The following PRKN variants were observed in gnomAD, a reference collection of about 807,000 sequenced individuals.
PRKN encodes the protein parkin RBR E3 ubiquitin protein ligase, also known as E3 ubiquitin-protein ligase parkin.
PRKN carries 56 observed loss-of-function variants against 59.5 expected under a neutral mutation model. That is an observed-to-expected ratio of 0.94 (90% CI 0.76 to 1.18). PRKN has a LOEUF of 1.18. Ranked by LOEUF, PRKN falls within the 50% of genes most tolerant of loss-of-function variation. The probability of loss-of-function intolerance (pLI) is 0.00; values close to 1 mark genes in which losing one functional copy is unlikely to be tolerated. For missense variants in PRKN, 657 were observed against 596.4 expected (o/e 1.10, Z -1.06); for synonymous variants, 250 against 222.1 (o/e 1.13, Z -1.12).
intron 1 of PRKN, among the ~76,000 whole-genome samples, chr6:162,587,847 TATC>T (rs1781126282): frequency 6.6e-6 from 1 of 152,118 alleles, no homozygotes; most frequent in African/African-American, 2.4e-5. Context: ...TCATTTGAAT[TATC>T]ATGCAGAATA....
chr6:161,776,946 C>A (rs1357225327), intron 7 of PRKN, among the ~76,000 whole-genome samples: 1 of 152,140 alleles, frequency 6.6e-6, no homozygotes, highest in Non-Finnish European at 1.5e-5. Flanking sequence ...TAGAAATGTT[C>A]TTTTCTTGAC....
intron 2 of PRKN, among the ~76,000 whole-genome samples, chr6:162,359,079 A>AAAAAAAAAAATATATATATAT (rs57265104): frequency 2.6e-4 from 22 of 83,232 alleles, no homozygotes; most frequent in African/African-American, 1.5e-3. Flanking sequence ...AAAAAAAAAA[A>AAAAAAAAAAATATATATATAT]ATATATATAT....
chr6:162,438,683 G>A (rs944062871), intron 2 of PRKN, among the ~76,000 whole-genome samples: 1 of 152,180 alleles, frequency 6.6e-6, no homozygotes, highest in Non-Finnish European at 1.5e-5. Flanking sequence ...TATAGGGAAG[G>A]TGTGATATTT....
chr6:162,158,526 G>A (rs1782623905), intron 4 of PRKN, among the ~76,000 whole-genome samples: 1 of 151,678 alleles, frequency 6.6e-6, no homozygotes, highest in African/African-American at 2.4e-5. Flanking sequence ...CCGCCTCCCG[G>A]GTTTAAGCAA....
intron 4 of PRKN, among the ~76,000 whole-genome samples, chr6:162,091,404 C>A (rs1227683071): frequency 6.6e-6 from 1 of 152,132 alleles, no homozygotes; most frequent in Non-Finnish European, 1.5e-5. Context: ...AACACTTAAG[C>A]TGAGATTTAC....
In PRKN at chr6:161,467,349, A is replaced by AAC. The variant is rs1405657154; in HGVS notation, c.1084-80474_1084-80473dup. On this transcript the variant is annotated intron_variant, in intron 9 of 11. Coordinates refer to ENST00000366898, the MANE Select transcript of PRKN (RefSeq NM_004562.3). The surrounding 1 kb of genome is among the most constrained non-coding windows in gnomAD (Gnocchi z 4.3). ...ATTTGATATAGACACATATAATACGAACACGATTCTAGCCCTATGGAGTAT... is the reference window on the plus strand; with the variant it reads ...ATTTGATATAGACACATATAATACGAACACACGATTCTAGCCCTATGGAGTAT... Among the ~76,000 whole-genome samples the AAC allele has an allele frequency of 3.3e-5, 5 of 152,198 alleles. No individual in the cohort carries two copies. Among genetic ancestry groups the AAC allele is most frequent in the African/African-American group, 1.2e-4 (5 of 41,436 alleles).
At chr6:161,974,252 C>A (rs1298191708) in intron 5 of PRKN, among the ~76,000 whole-genome samples, 1 of 152,174 alleles carries the variant, frequency 6.6e-6, no homozygotes, top group Non-Finnish European at 1.5e-5. Flanking sequence ...TAAATTCCAG[C>A]CGAGAGTTTA....
At chr6:161,881,756 G>A (rs992752521) in intron 6 of PRKN, among the ~76,000 whole-genome samples, 1 of 152,150 alleles carries the variant, frequency 6.6e-6, no homozygotes, top group Admixed American at 6.5e-5. Flanking sequence ...TGATTGTCCC[G>A]CTTTACAAAA....
At chr6:161,427,443 G>A (rs917996862) in intron 9 of PRKN, among the ~76,000 whole-genome samples, 8 of 152,254 alleles carry the variant, frequency 5.3e-5, no homozygotes, top group Middle Eastern at 3.4e-3. Flanking sequence ...CCACCAGCTC[G>A]TAAAAGACAC....
rs1006248219 is a variant in PRKN, at chr6:162,551,735, G to A, written c.8-108262C>T. Among the ~76,000 whole-genome samples the A allele has an allele frequency of 9.4e-4, 143 of 152,138 alleles. 2 individuals carry two copies. Among genetic ancestry groups the A allele is most frequent in the Non-Finnish European group, 1.3e-4 (9 of 68,014 alleles). On this transcript the variant is annotated intron_variant, in intron 1 of 11. Transcript: ENST00000366898. ...CCTCATCGTTGTAACATGTATTTGT[G>A]AGCTACTTGAAGAAACAGACCATTT...
rs1156472729 is a variant in PRKN at position 161,935,569 on chromosome 6, AAAGAAG to A, written c.734+37727_734+37732del. On this transcript the variant is annotated intron_variant, in intron 6 of 11. Coordinates refer to ENST00000366898, the MANE Select transcript of PRKN (RefSeq NM_004562.3). ...ACCTTGTTTCCAAAAAAAAAAAAAA[AAAGAAG>A]AAGAAGAAGAAGGATAAGACGTGAG... 2.6e-4 allele frequency among the ~76,000 whole-genome samples: 40 copies of A among 151,370 alleles called. 1 individual carries two copies. The highest frequency in any genetic ancestry group is 8.7e-4 in the African/African-American group (36 of 41,174).
At chr6:161,521,688 G>A (rs1333351369) in intron 9 of PRKN, among the ~76,000 whole-genome samples, 2 of 152,144 alleles carry the variant, frequency 1.3e-5, no homozygotes, top group Admixed American at 1.3e-4. Context: ...GAAGGTCAGG[G>A]AGTGGCTGGC....
At chr6:161,540,341 C>A (rs1466297539) in intron 9 of PRKN, among the ~76,000 whole-genome samples, 1 of 151,906 alleles carries the variant, frequency 6.6e-6, no homozygotes, top group Non-Finnish European at 1.5e-5. Context: ...ATTTAATTAA[C>A]CCTTGGAAGA....
intron 2 of PRKN, among the ~76,000 whole-genome samples, chr6:162,338,630 G>A (rs1386819581): frequency 6.6e-6 from 1 of 152,012 alleles, no homozygotes; most frequent in Non-Finnish European, 1.5e-5. Context: ...CGCCTGCCTT[G>A]GCCTCCCAAA....
intron 3 of PRKN, among the ~76,000 whole-genome samples, chr6:162,235,877 A>G (rs1291226336): frequency 4.0e-5 from 6 of 149,734 alleles, no homozygotes; most frequent in East Asian, 2.0e-4. Flanking sequence ...GACGGAAAGA[A>G]AGAGAGAGAA....
chr6:161,766,854 G>T (rs1238205324), intron 7 of PRKN, among the ~76,000 whole-genome samples: 2 of 152,172 alleles, frequency 1.3e-5, no homozygotes, highest in East Asian at 1.9e-4. Flanking sequence ...AAGAGGTTTT[G>T]TGAATAAAAG....
At chr6:162,639,754 C>A (rs1212416105) in intron 1 of PRKN, among the ~76,000 whole-genome samples, 1 of 152,074 alleles carries the variant, frequency 6.6e-6, no homozygotes, top group African/African-American at 2.4e-5. Context: ...CAAAGATTAT[C>A]TTTAAAGAAA....
chr6:161,672,877 C>A (rs769068635), intron 7 of PRKN, among the ~76,000 whole-genome samples: 1 of 152,182 alleles, frequency 6.6e-6, no homozygotes, highest in Non-Finnish European at 1.5e-5. Flanking sequence ...AGTCTCTGAC[C>A]TATTCTAGAA....
At chr6:162,310,451 G>T (rs1325963524) in intron 2 of PRKN, among the ~76,000 whole-genome samples, 5 of 152,084 alleles carry the variant, frequency 3.3e-5, no homozygotes, top group Admixed American at 3.3e-4. Flanking sequence ...GAAAGCAGGC[G>T]GCCTGCAGCA....
Sources: gnomAD v4.1 joint callset for allele counts (sites outside exome capture counted in the v4.1 genomes callset) on GRCh38, gnomAD v4.1.1 for gene constraint, Gnocchi (gnomAD v3.1) non-coding constraint, MANE v1.5 for transcripts, NCBI Gene and HGNC (gene_info 2026-07-23, HGNC 2026-07-21) for gene names.